Variants in PRKAG2 observed in about 807,000 individuals in gnomAD.
PRKAG2 encodes the protein 5'-AMP-activated protein kinase subunit gamma-2.
A neutral mutation model predicts 69.6 loss-of-function variants in PRKAG2; 26 were observed. That is an observed-to-expected ratio of 0.37 (90% CI 0.27 to 0.52). PRKAG2 has a LOEUF of 0.52. Ranked by LOEUF, PRKAG2 falls within the 20% of genes least tolerant of loss-of-function variation. The pLI is 0.90. For missense variants in PRKAG2, 557 were observed against 740.0 expected, an observed-to-expected ratio of 0.75 and a Z score of 2.87; for synonymous variants, 293 against 285.0, an observed-to-expected ratio of 1.03 and a Z score of -0.28.
chr7:151,795,390 C>G (rs545627644), intron 1 of PRKAG2, among the ~76,000 whole-genome samples: 1 of 151,988 alleles, frequency 6.6e-6, no homozygotes, highest in Non-Finnish European at 1.5e-5. Context: ...TGCAGGTTGC[C>G]GCCTCCATCC....
intron 1 of PRKAG2, among the ~76,000 whole-genome samples, chr7:151,842,577 A>G (rs1198064738): frequency 1.4e-5 from 2 of 142,350 alleles, no homozygotes; most frequent in East Asian, 2.2e-4. Flanking sequence ...GTAGGTAGTG[A>G]TGGTAGTGAT....
intron 3 of PRKAG2, among the ~76,000 whole-genome samples, chr7:151,754,184 T>C (rs963363129): frequency 6.6e-6 from 1 of 152,232 alleles, no homozygotes; most frequent in Non-Finnish European, 1.5e-5. Flanking sequence ...GAATTTTTCG[T>C]TGGCTTCTCC....
chr7:151,861,269 G>A (rs976781758), intron 1 of PRKAG2, among the ~76,000 whole-genome samples: 3 of 152,180 alleles, frequency 2.0e-5, no homozygotes, highest in Admixed American at 2.0e-4. Context: ...GGTAGCTCAT[G>A]CCTGTAATCC....
At chr7:151,679,577 G>A (rs1563410883) in intron 3 of PRKAG2, among the ~76,000 whole-genome samples, 1 of 152,096 alleles carries the variant, frequency 6.6e-6, no homozygotes, top group Non-Finnish European at 1.5e-5. Context: ...AGGATGTGGT[G>A]GGGGGCGTTT....
chr7:151,574,766 C>G, intron 8 of PRKAG2, 125 bp downstream of exon 8: 2 of 1,375,798 alleles, frequency 1.5e-6, no homozygotes, highest in Non-Finnish European at 2.0e-6. Flanking sequence ...AAATCACCAT[C>G]AGCACACCAT....
intron 3 of PRKAG2, among the ~76,000 whole-genome samples, chr7:151,685,579 G>C (rs1026213523): frequency 3.3e-5 from 5 of 152,078 alleles, no homozygotes; most frequent in African/African-American, 7.2e-5. Flanking sequence ...GATCAGCCTG[G>C]GCAACATAGT....
At chr7:151,669,784 G>A (rs529145620) in intron 4 of PRKAG2, among the ~76,000 whole-genome samples, 78 of 135,182 alleles carry the variant, frequency 5.8e-4, no homozygotes, top group Non-Finnish European at 9.2e-4. Flanking sequence ...ACACTTGCAC[G>A]CACACACCTG....
At chr7:151,722,014 G>A (rs1041076599) in intron 3 of PRKAG2, among the ~76,000 whole-genome samples, 2 of 152,152 alleles carry the variant, frequency 1.3e-5, no homozygotes, top group Non-Finnish European at 2.9e-5. Context: ...CCTCAAGCGT[G>A]GCTGTGGCAT....
At chr7:151,838,856 A>T (rs2151883779) in intron 1 of PRKAG2, among the ~76,000 whole-genome samples, 1 of 152,038 alleles carries the variant, frequency 6.6e-6, no homozygotes, top group Admixed American at 6.5e-5. Flanking sequence ...CTCTACTAAA[A>T]ATACAAAAAT....
chr7:151,559,533 C>T, intron 15 of PRKAG2: 1 of 982,910 alleles, frequency 1.0e-6, no homozygotes, highest in Non-Finnish European at 1.2e-6. Context: ...GGCCTGAGGA[C>T]CACCTCGGAA....
chr7:151,818,188 T>C lies in PRKAG2; in HGVS notation c.115-31647A>G, dbSNP rs191515443. ...AACAGTGACTTCAAAGAATGACAAA[T>C]GGCAAATGTGACAGGAAAATCTCAA... is the stretch of plus-strand genomic sequence containing the variant. On this transcript the variant is annotated intron_variant, in intron 1 of 15. Coordinates refer to ENST00000287878, the MANE Select transcript of PRKAG2 (RefSeq NM_016203.4). Among the ~76,000 whole-genome samples the C allele has an allele frequency of 3.6e-3, 545 of 152,298 alleles. 3 individuals carry two copies. The highest frequency in any genetic ancestry group is 0.012 in the African/African-American group (518 of 41,562).
chr7:151,621,040 A>G (rs1218832418), intron 5 of PRKAG2, among the ~76,000 whole-genome samples: 1 of 152,222 alleles, frequency 6.6e-6, no homozygotes, highest in Non-Finnish European at 1.5e-5. Context: ...TCAACAGAAG[A>G]ATACTTGCAT....
intron 5 of PRKAG2, among the ~76,000 whole-genome samples, chr7:151,616,404 C>T (rs554631930): frequency 1.2e-4 from 19 of 152,334 alleles, no homozygotes; most frequent in African/African-American, 4.3e-4. Context: ...AACACATATT[C>T]AAGGGAAAAT....
chr7:151,870,154 T>TAGGCAGGCAGGC (rs200063326), intron 1 of PRKAG2, among the ~76,000 whole-genome samples: 6 of 138,322 alleles, frequency 4.3e-5, no homozygotes, highest in African/African-American at 1.4e-4. Flanking sequence ...GATAGATAGA[T>TAGGCAGGCAGGC]AGGCAGGCAG....
chr7:151,557,753 C>G (rs1804064870), intron 15 of PRKAG2: 1 of 495,120 alleles, frequency 2.0e-6, no homozygotes, highest in Non-Finnish European at 2.6e-6. Flanking sequence ...GCCTGTAATC[C>G]CAGCTACTTG....
In PRKAG2 at chr7:151,836,751, CT is replaced by C. The variant is rs1180368570; in HGVS notation, c.114+39755del. Among the ~76,000 whole-genome samples, 1 of 152,228 alleles carries C rather than the reference CT, an allele frequency of 6.6e-6. No individual in the cohort carries two copies. The highest frequency in any genetic ancestry group is 6.5e-5 in the Admixed American group (1 of 15,290). ...AGAACTGTGAGGTAGGACCTAGCCC[CT>C]CGGGTCCCCTGCCCTCTCCTCCTGG... is the stretch of plus-strand genomic sequence containing the variant. On this transcript the variant is annotated intron_variant, in intron 1 of 15. Transcript: ENST00000287878. The surrounding 1 kb of genome is among the most constrained non-coding windows in gnomAD (Gnocchi z 4.1).
At chr7:151,854,037 TG>T (rs1425140398) in intron 1 of PRKAG2, among the ~76,000 whole-genome samples, 1 of 151,948 alleles carries the variant, frequency 6.6e-6, no homozygotes, top group Non-Finnish European at 1.5e-5. Flanking sequence ...TGGGGACAGC[TG>T]GGTCATTCAC....
At position 151,835,752 on chromosome 7, in the gene PRKAG2, A is replaced by G. The variant is rs149546788; in HGVS notation, c.114+40755T>C. Among the ~76,000 whole-genome samples the G allele has an allele frequency of 2.2e-4, 33 of 152,276 alleles. No homozygotes were observed. The highest frequency in any genetic ancestry group is 4.3e-4 in the Non-Finnish European group (29 of 68,016). ...CATCCTGGCCCCACCCTGGGCTTCC[A>G]TTGGTCTGGATCGGACATCCCGGGG... On this transcript the variant is annotated intron_variant, in intron 1 of 15. Transcript: ENST00000287878. This position sits in a 1 kb window ranked among gnomAD's most constrained non-coding sequence, Gnocchi z 4.1.
chr7:151,718,854 C>G (rs1796595937), intron 3 of PRKAG2, among the ~76,000 whole-genome samples: 1 of 152,210 alleles, frequency 6.6e-6, no homozygotes, highest in Non-Finnish European at 1.5e-5. Context: ...GTCTGCCCAC[C>G]TCCCCTGGCC....
Sources: gnomAD v4.1 joint callset for allele counts (sites outside exome capture counted in the v4.1 genomes callset) on GRCh38, gnomAD v4.1.1 for gene constraint, Gnocchi (gnomAD v3.1) non-coding constraint, MANE v1.5 for transcripts, NCBI Gene and HGNC (gene_info 2026-07-23, HGNC 2026-07-21) for gene names.